Variants in PTPRH observed in about 807,000 individuals in gnomAD.
PTPRH encodes the protein protein tyrosine phosphatase receptor type H.
Under a neutral mutation model 130.2 loss-of-function variants are expected in PTPRH, and 113 were observed. The ratio of observed to expected loss-of-function variants is 0.87; its 90% CI spans 0.75 to 1.01. PTPRH has a LOEUF of 1.01. Among genes scored for constraint, PTPRH ranks in the 50% least tolerant of loss-of-function variants. PTPRH has a pLI of 0.00. For missense variants in PTPRH, 1,430 were observed against 1,425.0 expected (o/e 1.00, Z -0.06); for synonymous variants, 556 against 577.9 (o/e 0.96, Z 0.54).
chr19:55,205,557 G>C lies in PTPRH; in HGVS notation c.388C>G (p.Gln130Glu), dbSNP rs374838914. The C allele has an allele frequency of 6.2e-7, 1 of 1,614,230 alleles. No homozygotes were observed. Among genetic ancestry groups the C allele is most frequent in the African/African-American group, 1.3e-5 (1 of 75,068 alleles). ...NPVRNLRVEAQTNSSIALTWE... is the reference protein window; with the variant it reads ...NPVRNLRVEAETNSSIALTWE... ...GTCAGGGCGATGGAGCTGTTGGTCT[G>C]AGCCTCCACTCTCAGGTTCCTCACT... The change falls in exon 4 of 20, where the codon CAG (glutamine) becomes GAG (glutamate). Residue 130 changes from glutamine to glutamate, a missense_variant. Transcript: ENST00000376350.
intron 12 of PTPRH, 100 bp downstream of exon 12, chr19:55,191,401 G>A: frequency 7.2e-7 from 1 of 1,388,962 alleles, no homozygotes; most frequent in Non-Finnish European, 1.0e-6. Context: ...ACCTTTGTGG[G>A]TAAATGCATT....
At chr19:55,191,421 T>A (rs1744989355) in intron 12 of PTPRH, 80 bp downstream of exon 12, 3 of 1,528,170 alleles carry the variant, frequency 2.0e-6, no homozygotes, top group Admixed American at 3.3e-5. Context: ...TGATCCACCC[T>A]CTGACCTAGC....
At chr19:55,205,034 A>G (rs1464684214) in intron 4 of PTPRH, among the ~76,000 whole-genome samples, 1 of 152,154 alleles carries the variant, frequency 6.6e-6, no homozygotes, top group Admixed American at 6.6e-5. Context: ...CACTCACAGT[A>G]TCTAATTCCT....
At chr19:55,190,096 G>A (rs2086480245) in intron 12 of PTPRH, among the ~76,000 whole-genome samples, 1 of 151,438 alleles carries the variant, frequency 6.6e-6, no homozygotes, top group Non-Finnish European at 1.5e-5. Context: ...ATAGGCCAGG[G>A]GCTGTGGCTC....
intron 18 of PTPRH, among the ~76,000 whole-genome samples, chr19:55,184,434 C>T (rs1243571884): frequency 6.6e-6 from 1 of 152,200 alleles, no homozygotes; most frequent in African/African-American, 2.4e-5. Context: ...GGCTGTTACT[C>T]TTCCTCATCT....
chr19:55,185,059 A>T (rs1330256401), intron 18 of PTPRH, among the ~76,000 whole-genome samples: 1 of 148,820 alleles, frequency 6.7e-6, no homozygotes, highest in Non-Finnish European at 1.5e-5. Context: ...CAGTGGTGCG[A>T]CCTCAGCTCA....
Position 55,188,070 on chromosome 19 carries a change from C to T in PTPRH, c.2475+8G>A, listed in dbSNP as rs1358131759. 3 of 1,612,284 alleles carry T rather than the reference C, an allele frequency of 1.9e-6. No individual in the cohort carries two copies. The highest frequency in any genetic ancestry group is 1.3e-5 in the African/African-American group (1 of 75,004). On this transcript the variant is annotated splice_region_variant and intron_variant, in intron 13 of 19. Coordinates refer to ENST00000376350, the MANE Select transcript of PTPRH (RefSeq NM_002842.5). ...AGACTGAGCTCAGCCCCTCTGTCCT[C>T]TCCCCACCTGGTACTCGTCTGCAAA...
chr19:55,208,893 TG>T (rs1232760268), intron 1 of PTPRH, among the ~76,000 whole-genome samples: 2 of 57,546 alleles, frequency 3.5e-5, no homozygotes, highest in Non-Finnish European at 6.6e-5. Context: ...GAGGAAGGGC[TG>T]GGGGCCTGGA....
chr19:55,187,290 A>C (rs1423247870), intron 14 of PTPRH, among the ~76,000 whole-genome samples: 1 of 125,726 alleles, frequency 8.0e-6, no homozygotes. Context: ...GCTTGCAGTG[A>C]GCCGAGATCG....
chr19:55,190,542 T>C (rs1275110957), intron 12 of PTPRH, among the ~76,000 whole-genome samples: 2 of 135,492 alleles, frequency 1.5e-5, no homozygotes, highest in Admixed American at 8.3e-5. Flanking sequence ...ATAATATATA[T>C]AATATATAAT....
intron 18 of PTPRH, 86 bp from the exon 19 acceptor site, chr19:55,182,237 A>G: frequency 5.5e-6 from 8 of 1,453,878 alleles, no homozygotes; most frequent in Non-Finnish European, 7.5e-6. Context: ...CTGTGTTTGA[A>G]TGATGACAAT....
chr19:55,193,436 G>T lies in PTPRH; in HGVS notation c.2258-1695C>A, dbSNP rs182364734. Among the ~76,000 whole-genome samples the T allele has an allele frequency of 2.8e-4, 43 of 152,082 alleles. 1 individual carries two copies. Among genetic ancestry groups the T allele is most frequent in the Admixed American group, 1.1e-3 (17 of 15,272 alleles). On this transcript the variant is annotated intron_variant, in intron 10 of 19. Coordinates refer to ENST00000376350, the MANE Select transcript of PTPRH (RefSeq NM_002842.5). Reference sequence around the variant, plus strand: ...CAGAGTGAGACCCTGTCTCAAAAAAGAACAAAACGAAACAAAACAAAAAAG... The same window carrying T: ...CAGAGTGAGACCCTGTCTCAAAAAATAACAAAACGAAACAAAACAAAAAAG...
In PTPRH at chr19:55,197,418, T is replaced by C. The variant is rs2086722505; in HGVS notation, c.1691-2A>G. On this transcript the variant is annotated splice_acceptor_variant, in intron 8 of 19. Coordinates refer to ENST00000376350, the MANE Select transcript of PTPRH (RefSeq NM_002842.5). LOFTEE classifies it high-confidence loss of function. Reference sequence around the variant, plus strand: ...GGAGATCTGTGACCTCATTGGGAGCTGAGAAGTGAGAACAGAGGCCTAAGG... The same window carrying C: ...GGAGATCTGTGACCTCATTGGGAGCCGAGAAGTGAGAACAGAGGCCTAAGG... 1 of 1,610,038 alleles carries C rather than the reference T, an allele frequency of 6.2e-7. No homozygotes were observed. Among genetic ancestry groups the C allele is most frequent in the Non-Finnish European group, 8.5e-7 (1 of 1,176,848 alleles).
intron 19 of PTPRH, 50 bp from the exon 20 acceptor site, chr19:55,181,953 G>A (rs760873465): frequency 2.0e-5 from 33 of 1,613,622 alleles, no homozygotes; most frequent in African/African-American, 1.1e-4. Context: ...TCTGAGCTGC[G>A]TGGAGCCCCA....
rs1370527523 is a variant in PTPRH, at chr19:55,203,959, G to C, written c.709C>G (p.Gln237Glu). Residue 237 changes from glutamine to glutamate, a missense_variant, in exon 5 of 20, where the codon CAG (glutamine) becomes GAG (glutamate). Gln to Glu is a conservative substitution (Grantham distance 29). Transcript: ENST00000376350. ...SWEVPDGTDPQNSTYCVQCTG... is the reference protein window; with the variant it reads ...SWEVPDGTDPENSTYCVQCTG... ...CACTGAACGCAGTAGGTCGAGTTCT[G>C]TGGGTCTGTGCCATCGGGGACCTCC... The C allele has an allele frequency of 5.6e-6, 9 of 1,614,212 alleles. No individual in the cohort carries two copies. Among genetic ancestry groups the C allele is most frequent in the Non-Finnish European group, 7.6e-6 (9 of 1,180,024 alleles).
intron 12 of PTPRH, 151 bp downstream of exon 12, chr19:55,191,350 G>A: frequency 1.2e-6 from 1 of 863,634 alleles, no homozygotes; most frequent in Non-Finnish European, 1.9e-6. Flanking sequence ...CACGATGGAA[G>A]GGCCGTGGTC....
chr19:55,204,853 G>A (rs565912460), intron 4 of PTPRH, among the ~76,000 whole-genome samples: 17 of 152,264 alleles, frequency 1.1e-4, no homozygotes, highest in South Asian at 8.3e-4. Flanking sequence ...CAACTTTAAC[G>A]AGCTTAAATT....
In PTPRH at chr19:55,198,154, C is replaced by T. The variant is rs184447074; in HGVS notation, c.1690+489G>A. On this transcript the variant is annotated intron_variant, in intron 8 of 19. Coordinates refer to ENST00000376350, the MANE Select transcript of PTPRH (RefSeq NM_002842.5). ...ATCAGTTGAGCCCAGGAGGTCGAGG[C>T]TGCAGTAACCATGATCACACTACTG... Among the ~76,000 whole-genome samples, 168 of 152,260 alleles carry T rather than the reference C, an allele frequency of 1.1e-3. 1 individual carries two copies. Among genetic ancestry groups the T allele is most frequent in the African/African-American group, 3.9e-3 (164 of 41,540 alleles).
rs967309491 is a variant in PTPRH at position 55,205,250 on chromosome 19, A to T, written c.619+76T>A. The T allele has an allele frequency of 2.5e-6, 4 of 1,583,058 alleles. No homozygotes were observed. In the African/African-American group the frequency reaches 5.4e-5, roughly 21 times the overall value. On this transcript the variant is annotated intron_variant, in intron 4 of 19. Coordinates refer to ENST00000376350, the MANE Select transcript of PTPRH (RefSeq NM_002842.5). Reference sequence around the variant, plus strand: ...CAATGTGGCCCAGAGGGACTATGGAATAGAAATCCGCTACGTTCTCCTGCC... The same window carrying T: ...CAATGTGGCCCAGAGGGACTATGGATTAGAAATCCGCTACGTTCTCCTGCC...
Sources: allele counts gnomAD v4.1 joint callset (sites outside exome capture counted in the v4.1 genomes callset), GRCh38; gene constraint gnomAD v4.1.1; transcripts MANE v1.5; gene names NCBI Gene and HGNC (gene_info 2026-07-23, HGNC 2026-07-21).